Variants in CREB3L1 observed in about 807,000 individuals in gnomAD.
CREB3L1 encodes cyclic AMP-responsive element-binding protein 3-like protein 1.
In CREB3L1, 33 loss-of-function variants were observed where a neutral mutation model predicts 54.5. The observed-to-expected ratio is 0.61, with a 90% CI of 0.46 to 0.81. The LOEUF is 0.81. Among genes scored for constraint, CREB3L1 ranks in the 30% least tolerant of loss-of-function variants. The pLI is 0.00. For missense variants in CREB3L1, 656 were observed against 673.3 expected, an observed-to-expected ratio of 0.97 and a Z score of 0.29; for synonymous variants, 284 against 286.4, an observed-to-expected ratio of 0.99 and a Z score of 0.08.
chr11:46,281,726 C>CG (rs1274842947), intron 1 of CREB3L1, among the ~76,000 whole-genome samples: 1 of 152,164 alleles, frequency 6.6e-6, no homozygotes, highest in Non-Finnish European at 1.5e-5. Context: ...CCCCAGCCTT[C>CG]GGGAGATTTA....
At position 46,295,041 on chromosome 11, in the gene CREB3L1, A is replaced by T. The variant is rs922638556; in HGVS notation, c.103-4894A>T. On this transcript the variant is annotated intron_variant, in intron 1 of 11. Transcript: ENST00000621158. This position sits in a 1 kb window ranked among gnomAD's most constrained non-coding sequence, Gnocchi z 4.6. The stretch of plus-strand genomic sequence containing the variant: ...TCTCCTCCCTCCTTTCCCCAAGCAC[A>T]GACTGAACCAGCCTGGGCCGGGGGA... 6.6e-6 allele frequency: 1 copy of T among 152,180 alleles called. No individual in the cohort carries two copies. The highest frequency in any genetic ancestry group is 2.4e-5 in the African/African-American group (1 of 41,322). The allele number at this position is 152,180 out of a possible 1,614,324, so 9.4% of individuals were successfully genotyped here.
intron 1 of CREB3L1, among the ~76,000 whole-genome samples, chr11:46,292,400 C>A (rs56087478): frequency 0.31 from 46,433 of 152,060 alleles, 7,401 homozygotes; most frequent in African/African-American, 0.41. Context: ...TCAGTCACTC[C>A]GTGAATGCCT....
chr11:46,306,147 G>C (rs1019845652), intron 2 of CREB3L1, among the ~76,000 whole-genome samples: 1 of 151,918 alleles, frequency 6.6e-6, no homozygotes, highest in African/African-American at 2.4e-5. Flanking sequence ...GGGCTCAAGC[G>C]ATCCTCCTGC....
chr11:46,315,141 T>C (rs781428914), intron 8 of CREB3L1: 1 of 272,838 alleles, frequency 3.7e-6, no homozygotes, highest in Non-Finnish European at 7.3e-6. Context: ...AACACAAGAC[T>C]TTTTCCTTCT....
In CREB3L1 at chr11:46,278,260, C is replaced by T; in HGVS notation, c.102+47C>T. Reference sequence around the variant, plus strand: ...CCCGTTCCACCCCTCGGCACCCGTCCTCGCGGCGCGCCTGGGCCCCTAGAA... The same window carrying T: ...CCCGTTCCACCCCTCGGCACCCGTCTTCGCGGCGCGCCTGGGCCCCTAGAA... On this transcript the variant is annotated intron_variant, in intron 1 of 11. Coordinates refer to ENST00000621158, the MANE Select transcript of CREB3L1 (RefSeq NM_052854.4). The surrounding 1 kb of genome is among the most constrained non-coding windows in gnomAD (Gnocchi z 4.2). 7.5e-7 allele frequency: 1 copy of T among 1,326,676 alleles called. No individual in the cohort carries two copies. The highest frequency in any genetic ancestry group is 1.3e-5 in the South Asian group (1 of 76,634). 82.2% of individuals were successfully genotyped at this position (1,326,676 alleles called of 1,614,324 possible).
At chr11:46,320,666 G>A (rs995893930) in intron 11 of CREB3L1, 44 bp from the exon 12 acceptor site, 3 of 1,596,454 alleles carry the variant, frequency 1.9e-6, no homozygotes, top group African/African-American at 2.7e-5. Context: ...AGGGTAAGAG[G>A]GTTCCTGCTG....
intron 1 of CREB3L1, among the ~76,000 whole-genome samples, chr11:46,287,626 T>C (rs2136336944): frequency 1.3e-5 from 2 of 152,098 alleles, no homozygotes; most frequent in South Asian, 4.2e-4. Context: ...GGGTACATAG[T>C]AGGTTAGATA....
chr11:46,297,647 G>A (rs1939232727), intron 1 of CREB3L1, among the ~76,000 whole-genome samples: 1 of 152,224 alleles, frequency 6.6e-6, no homozygotes, highest in Non-Finnish European at 1.5e-5. Flanking sequence ...GAGCACTTTG[G>A]GTTAAAAGCA....
rs1032073991 is a variant in CREB3L1 at position 46,313,005 on chromosome 11, G to A, written c.1031+86G>A. The stretch of plus-strand genomic sequence containing the variant: ...CTGCATAGCTCTGGGAGACAGGGGA[G>A]AGGAGAGAGAACTAAGTTTAGGATG... On this transcript the variant is annotated intron_variant, in intron 8 of 11. Transcript: ENST00000621158. The A allele has an allele frequency of 2.9e-5, 30 of 1,019,674 alleles. No individual in the cohort carries two copies. The Middle Eastern group carries it at 1.0e-3, about 35-fold the overall frequency. 63.2% of individuals were successfully genotyped at this position (1,019,674 alleles called of 1,614,324 possible).
At chr11:46,281,035 G>A (rs1381552106) in intron 1 of CREB3L1, among the ~76,000 whole-genome samples, 2 of 152,242 alleles carry the variant, frequency 1.3e-5, no homozygotes, top group East Asian at 3.8e-4. Context: ...ACAGACAGGA[G>A]AGTGAGTACA....
At chr11:46,300,692 G>T (rs997155720) in intron 2 of CREB3L1, among the ~76,000 whole-genome samples, 1 of 151,096 alleles carries the variant, frequency 6.6e-6, no homozygotes, top group Non-Finnish European at 1.5e-5. Flanking sequence ...AACATATGGT[G>T]AAACCCCGTC....
At chr11:46,319,227 G>A (rs1163786082) in intron 10 of CREB3L1, among the ~76,000 whole-genome samples, 6 of 152,196 alleles carry the variant, frequency 3.9e-5, no homozygotes, top group African/African-American at 1.4e-4. Flanking sequence ...CTGGTTTGCA[G>A]AGCTGGCGCA....
chr11:46,278,400 C>T lies in CREB3L1; in HGVS notation c.102+187C>T, dbSNP rs1339294929. The stretch of plus-strand genomic sequence containing the variant: ...CTCCTGGGGGCTCAATCTTTGAATA[C>T]ACTGGCCTCCACCTTCTAGGGGGAA... On this transcript the variant is annotated intron_variant, in intron 1 of 11. Coordinates refer to ENST00000621158, the MANE Select transcript of CREB3L1 (RefSeq NM_052854.4). The surrounding 1 kb of genome is among the most constrained non-coding windows in gnomAD (Gnocchi z 4.2). Among the ~76,000 whole-genome samples, 1 of 152,230 alleles carries T rather than the reference C, an allele frequency of 6.6e-6. No individual in the cohort carries two copies. The highest frequency in any genetic ancestry group is 2.1e-4 in the South Asian group (1 of 4,834).
chr11:46,278,245 C>G lies in CREB3L1; in HGVS notation c.102+32C>G. 1 of 1,409,796 alleles carries G rather than the reference C, an allele frequency of 7.1e-7. No homozygotes were observed. The highest frequency in any genetic ancestry group is 1.8e-4 in the Middle Eastern group (1 of 5,684). 87.3% of individuals were successfully genotyped at this position (1,409,796 alleles called of 1,614,324 possible). A position where few individuals can be genotyped will look rare whatever the true frequency, so the allele number is the denominator to read the frequency against. On this transcript the variant is annotated intron_variant, in intron 1 of 11. Coordinates refer to ENST00000621158, the MANE Select transcript of CREB3L1 (RefSeq NM_052854.4). The surrounding 1 kb of genome is among the most constrained non-coding windows in gnomAD (Gnocchi z 4.2). ...TGAAGGGTCTCCGTTCCCGTTCCAC[C>G]CCTCGGCACCCGTCCTCGCGGCGCG...
intron 1 of CREB3L1, among the ~76,000 whole-genome samples, chr11:46,281,563 C>G (rs1938973504): frequency 6.6e-6 from 1 of 152,176 alleles, no homozygotes; most frequent in Non-Finnish European, 1.5e-5. Flanking sequence ...CGTTTACTCC[C>G]TGCAGCTGGG....
chr11:46,292,608 C>T (rs1481039566), intron 1 of CREB3L1, among the ~76,000 whole-genome samples: 1 of 152,130 alleles, frequency 6.6e-6, no homozygotes, highest in Non-Finnish European at 1.5e-5. Context: ...AGAGAAATGA[C>T]ATAGGACTTC....
intron 10 of CREB3L1, 146 bp downstream of exon 10, chr11:46,317,633 C>G (rs11038860): frequency 9.7e-7 from 1 of 1,031,252 alleles, no homozygotes; most frequent in Non-Finnish European, 1.4e-6. Context: ...ATGGGGAAAC[C>G]GAGGCCCAAA....
Position 46,300,133 on chromosome 11 carries a change from G to T in CREB3L1, c.301G>T (p.Val101Leu). Reference sequence around the variant, plus strand: ...CGACTCAGCGCCCCAGAGCCCCCTTGTGCCCATCAAGATGGAGGACACCAC... The same window carrying T: ...CGACTCAGCGCCCCAGAGCCCCCTTTTGCCCATCAAGATGGAGGACACCAC... ...SGDSAPQSPL[V>L]PIKMEDTTQD... Residue 101 changes from valine (V) to leucine (L), a missense_variant, in exon 2 of 12, where the codon GTG becomes TTG. Physicochemically the swap from Val to Leu is conservative, Grantham distance 32. This residue lies in a region of CREB3L1 where 339 missense variants were observed against 331.5 expected (regional missense o/e 1.02). Transcript: ENST00000621158. The T allele has an allele frequency of 1.2e-6, 2 of 1,613,392 alleles. No homozygotes were observed. The highest frequency in any genetic ancestry group is 1.7e-6 in the Non-Finnish European group (2 of 1,179,634).
intron 1 of CREB3L1, among the ~76,000 whole-genome samples, chr11:46,296,809 C>T (rs1249229459): frequency 6.6e-6 from 1 of 152,134 alleles, no homozygotes; most frequent in Non-Finnish European, 1.5e-5. Context: ...GAAGCTCCAT[C>T]CTGCTGGGTT....
Sources: gnomAD v4.1 joint callset for allele counts (sites outside exome capture counted in the v4.1 genomes callset) on GRCh38, gnomAD v4.1.1 for gene constraint, gnomAD v4.1.1 regional missense constraint, Gnocchi (gnomAD v3.1) non-coding constraint, MANE v1.5 for transcripts, NCBI Gene and HGNC (gene_info 2026-07-23, HGNC 2026-07-21) for gene names.